Variants in TMEM132B observed in about 807,000 individuals in gnomAD.
TMEM132B encodes transmembrane protein 132B.
TMEM132B carries 18 observed loss-of-function variants against 90.8 expected under a neutral mutation model. The observed-to-expected ratio is 0.20, with a 90% confidence interval of 0.14 to 0.29. The LOEUF (loss-of-function observed/expected upper bound fraction) is 0.29, where lower values mean the gene tolerates loss of function less well. Ranked by LOEUF, TMEM132B falls within the 10% of genes least tolerant of loss-of-function variation. The pLI is 1.00. For synonymous variants in TMEM132B, 504 were observed against 523.3 expected (o/e 0.96, Z 0.50); for missense variants, 1,096 against 1,326.8 (o/e 0.83, Z 2.70).
At chr12:125,296,620 C>G (rs1297637780) in intron 1 of TMEM132B, among the ~76,000 whole-genome samples, 1 of 152,238 alleles carries the variant, frequency 6.6e-6, no homozygotes, top group Non-Finnish European at 1.5e-5. Context: ...GAACATCCAT[C>G]CCATGAGGGG....
chr12:125,448,029 G>A (rs898029520), intron 3 of TMEM132B, among the ~76,000 whole-genome samples: 1 of 152,146 alleles, frequency 6.6e-6, no homozygotes, highest in African/African-American at 2.4e-5. Context: ...ACTTTGGAAG[G>A]CCAAGGCATG....
intron 4 of TMEM132B, among the ~76,000 whole-genome samples, chr12:125,522,721 G>A (rs1268362343): frequency 1.3e-5 from 2 of 152,180 alleles, no homozygotes; most frequent in Non-Finnish European, 2.9e-5. Flanking sequence ...GTGGGACACC[G>A]AGGAAGCCAC....
chr12:125,293,593 C>T (rs375736776), intron 1 of TMEM132B, among the ~76,000 whole-genome samples: 1 of 152,218 alleles, frequency 6.6e-6, no homozygotes, highest in Non-Finnish European at 1.5e-5. Context: ...ATAATGGCCT[C>T]TAGCTGCATC....
chr12:125,440,530 G>A (rs1025132131), intron 3 of TMEM132B, among the ~76,000 whole-genome samples: 2 of 152,124 alleles, frequency 1.3e-5, no homozygotes, highest in African/African-American at 2.4e-5. Flanking sequence ...TAGGACCCGC[G>A]ATTATTTTCC....
intron 3 of TMEM132B, among the ~76,000 whole-genome samples, chr12:125,441,717 A>G (rs1880878530): frequency 6.6e-6 from 1 of 152,210 alleles, no homozygotes; most frequent in Non-Finnish European, 1.5e-5. Context: ...ATTTGAAGGC[A>G]GAGAGCTGGA....
At chr12:125,507,932 C>T (rs1024628241) in intron 3 of TMEM132B, among the ~76,000 whole-genome samples, 4 of 152,018 alleles carry the variant, frequency 2.6e-5, no homozygotes, top group African/African-American at 9.7e-5. Flanking sequence ...GCAGTCGCCC[C>T]GGCAAGAGAC....
At position 125,652,619 on chromosome 12, in the gene TMEM132B, A is replaced by T; in HGVS notation, c.2093A>T (p.Gln698Leu). 6.2e-7 allele frequency: 1 copy of T among 1,612,574 alleles called. No individual in the cohort carries two copies. The highest frequency in any genetic ancestry group is 2.2e-5 in the East Asian group (1 of 44,822). The change falls in exon 8 of 9, where the codon CAG becomes CTG. Residue 698 changes from glutamine (Q) to leucine (L), a missense_variant. Coordinates refer to ENST00000682704, the MANE Select transcript of TMEM132B (RefSeq NM_001366854.1). ...VSTAAALDVL[Q>L]SPQQEAIVSS... is the part of the protein sequence containing the mutation. ...ACAGCTGCTGCCCTGGATGTTCTTC[A>T]GTCCCCACAGCAGGTGAGCGTTCCA...
intron 3 of TMEM132B, among the ~76,000 whole-genome samples, chr12:125,502,441 T>C (rs886557968): frequency 4.6e-5 from 7 of 152,208 alleles, no homozygotes; most frequent in African/African-American, 7.2e-5. Context: ...ATCTTGAAAG[T>C]TGCTGGTGGC....
intron 4 of TMEM132B, among the ~76,000 whole-genome samples, chr12:125,582,217 C>T (rs1885069461): frequency 6.6e-6 from 1 of 151,572 alleles, no homozygotes; most frequent in Non-Finnish European, 1.5e-5. Flanking sequence ...GATGTAATGA[C>T]ATATAAAACA....
chr12:125,350,487 T>G, intron 2 of TMEM132B, 144 bp downstream of exon 2: 2 of 964,656 alleles, frequency 2.1e-6, no homozygotes. Context: ...AAAACAGATT[T>G]TATTCAGTAA....
At chr12:125,645,108 C>A (rs1267169880) in intron 6 of TMEM132B, among the ~76,000 whole-genome samples, 1 of 151,206 alleles carries the variant, frequency 6.6e-6, no homozygotes, top group Non-Finnish European at 1.5e-5. Flanking sequence ...GTCCCAGCTA[C>A]TCGGGAAGCT....
chr12:125,433,183 T>C (rs1035006208), intron 3 of TMEM132B, among the ~76,000 whole-genome samples: 3 of 152,256 alleles, frequency 2.0e-5, no homozygotes, highest in African/African-American at 7.2e-5. Context: ...TTTTAATAAC[T>C]GCAGGTTTAC....
intron 1 of TMEM132B, among the ~76,000 whole-genome samples, chr12:125,335,182 T>C (rs756266167): frequency 6.6e-6 from 1 of 152,248 alleles, no homozygotes; most frequent in African/African-American, 2.4e-5. Context: ...ACCCCAGGCA[T>C]GGTCCTGACT....
intron 1 of TMEM132B, among the ~76,000 whole-genome samples, chr12:125,280,597 A>G (rs984142200): frequency 6.6e-6 from 1 of 152,126 alleles, no homozygotes; most frequent in Non-Finnish European, 1.5e-5. Context: ...GCCCGTCTTC[A>G]CTTGCTGTGG....
At chr12:125,236,181 T>C (rs1016616796) in intron 1 of TMEM132B, among the ~76,000 whole-genome samples, 6 of 152,098 alleles carry the variant, frequency 3.9e-5, no homozygotes, top group Admixed American at 3.9e-4. Context: ...AATCTCTCTC[T>C]ATTGCCCAGG....
chr12:125,298,950 G>T (rs1875742554), intron 1 of TMEM132B, among the ~76,000 whole-genome samples: 1 of 151,792 alleles, frequency 6.6e-6, no homozygotes, highest in South Asian at 2.1e-4. Flanking sequence ...AGCCGGGATG[G>T]TCTCAATCTC....
intron 3 of TMEM132B, among the ~76,000 whole-genome samples, chr12:125,417,577 C>T (rs1880052200): frequency 6.6e-6 from 1 of 152,190 alleles, no homozygotes; most frequent in Non-Finnish European, 1.5e-5. Flanking sequence ...CTCTTGGTTG[C>T]TGAGCTTATC....
At chr12:125,441,558 G>A (rs547929288) in intron 3 of TMEM132B, among the ~76,000 whole-genome samples, 1 of 152,326 alleles carries the variant, frequency 6.6e-6, no homozygotes, top group South Asian at 2.1e-4. Flanking sequence ...ACCTGTGTTG[G>A]TCTCACTTTG....
intron 1 of TMEM132B, among the ~76,000 whole-genome samples, chr12:125,314,937 G>A (rs1029493538): frequency 6.6e-6 from 1 of 152,184 alleles, no homozygotes; most frequent in African/African-American, 2.4e-5. Flanking sequence ...GAGTCTGGGG[G>A]CACTGTCCTG....
Sources: gnomAD v4.1 joint callset for allele counts (sites outside exome capture counted in the v4.1 genomes callset) on GRCh38, gnomAD v4.1.1 for gene constraint, MANE v1.5 for transcripts, NCBI Gene and HGNC (gene_info 2026-07-23, HGNC 2026-07-21) for gene names.